Variants in TMEM178A observed in about 807,000 individuals in gnomAD.
The protein encoded by TMEM178A is transmembrane protein 178A, also known as transmembrane protein 178.
TMEM178A carries 12 observed loss-of-function variants against 29.1 expected under a neutral mutation model. The observed-to-expected ratio is 0.41, with a 90% CI of 0.26 to 0.67. TMEM178A has a LOEUF of 0.67. TMEM178A is among the 30% of genes least tolerant of loss of function. The pLI is 0.29. For missense variants in TMEM178A, 366 were observed against 419.1 expected (o/e 0.87, Z 1.11); for synonymous variants, 210 against 187.2 (o/e 1.12, Z -0.99).
chr2:39,665,989 G>A lies in TMEM178A; in HGVS notation c.15G>A (p.Ala5=). MEPR[A]LVTALSLGLS... ...GGCGGGAAGCCATGGAGCCGCGGGC[G>A]CTCGTCACGGCGCTCAGCCTCGGCC... The change falls in exon 1 of 4, where the codon GCG becomes GCA. Residue 5 remains alanine, a synonymous_variant. Coordinates refer to ENST00000281961, the MANE Select transcript of TMEM178A (RefSeq NM_152390.3). 1 of 1,408,844 alleles carries A rather than the reference G, an allele frequency of 7.1e-7. No individual in the cohort carries two copies. The highest frequency in any genetic ancestry group is 9.2e-7 in the Non-Finnish European group (1 of 1,083,214). The allele number at this position is 1,408,844 out of a possible 1,614,324, so 87.3% of individuals were successfully genotyped here.
chr2:39,692,450 A>G (rs1252097765), intron 1 of TMEM178A, among the ~76,000 whole-genome samples: 1 of 152,234 alleles, frequency 6.6e-6, no homozygotes, highest in Non-Finnish European at 1.5e-5. Context: ...AATATATACA[A>G]TAAAAATGGC....
intron 3 of TMEM178A, among the ~76,000 whole-genome samples, chr2:39,711,675 G>T (rs769031671): frequency 5.3e-4 from 81 of 152,096 alleles, no homozygotes; most frequent in Admixed American, 1.8e-3. Context: ...ACTCAACCAT[G>T]GTAGGTGTAT....
At chr2:39,727,624 C>A in the TMEM178A span, among the ~76,000 whole-genome samples, 1 of 152,026 alleles carries the variant, frequency 6.6e-6, no homozygotes, top group Non-Finnish European at 1.5e-5. Context: ...TGTGCAGGTT[C>A]GTTACGTAGG....
chr2:39,694,936 C>G (rs953430323), intron 1 of TMEM178A, among the ~76,000 whole-genome samples: 4 of 152,206 alleles, frequency 2.6e-5, no homozygotes, highest in Non-Finnish European at 4.4e-5. Flanking sequence ...GCCTTTGGGA[C>G]TGGTTTAGCC....
At position 39,666,020 on chromosome 2, in the gene TMEM178A, C is replaced by G; in HGVS notation, c.46C>G (p.Leu16Val). 1 of 1,539,554 alleles carries G rather than the reference C, an allele frequency of 6.5e-7. No individual in the cohort carries two copies. The highest frequency in any genetic ancestry group is 2.7e-5 in the East Asian group (1 of 37,058). ...LVTALSLGLS[L>V]CSLGLLVTAI... is the part of the protein sequence containing the mutation. ...CACGGCGCTCAGCCTCGGCCTCAGC[C>G]TGTGCTCCCTGGGGCTGCTCGTCAC... The change falls in exon 1 of 4, where the codon CTG becomes GTG. Residue 16 changes from leucine (L) to valine (V), a missense_variant. Around this residue, in one of 2 missense-constraint regions of TMEM178A, gnomAD observed 247 missense variants for 246.8 expected, o/e 1.00. Coordinates refer to ENST00000281961, the MANE Select transcript of TMEM178A (RefSeq NM_152390.3).
At chr2:39,713,185 C>T (rs554508926) in intron 3 of TMEM178A, among the ~76,000 whole-genome samples, 1 of 152,214 alleles carries the variant, frequency 6.6e-6, no homozygotes, top group African/African-American at 2.4e-5. Context: ...CCAATTGTGA[C>T]CAAGAAGAGC....
chr2:39,666,366 T>C lies in TMEM178A; in HGVS notation c.392T>C (p.Ile131Thr). Residue 131 changes from isoleucine to threonine, a missense_variant, in exon 1 of 4, where the codon ATC (isoleucine) becomes ACC (threonine). Ile to Thr is a moderately conservative substitution (Grantham distance 89). This residue lies in a region of TMEM178A where 247 missense variants were observed against 246.8 expected (regional missense o/e 1.00). Transcript: ENST00000281961. ...ATCGACCGGGACATCGACACCCTCA[T>C]CCTGAAAGGTGAGCGGCGGGCGCAC... The part of the protein sequence containing the change: ...LGIDRDIDTL[I>T]LKGIAQRCTA... 5 of 1,398,924 alleles carry C rather than the reference T, an allele frequency of 3.6e-6. No homozygotes were observed. The highest frequency in any genetic ancestry group is 4.7e-6 in the Non-Finnish European group (5 of 1,071,728). 86.7% of individuals were successfully genotyped at this position (1,398,924 alleles called of 1,614,324 possible). A position where few individuals can be genotyped will look rare whatever the true frequency, so the allele number is the denominator to read the frequency against.
At chr2:39,704,596 C>A (rs1381244355) in intron 2 of TMEM178A, among the ~76,000 whole-genome samples, 2 of 152,082 alleles carry the variant, frequency 1.3e-5, no homozygotes, top group Non-Finnish European at 2.9e-5. Context: ...CATCTCCGAC[C>A]TTTGTATTTC....
downstream of TMEM178A, among the ~76,000 whole-genome samples, chr2:39,722,915 A>G (rs183018907): frequency 7.2e-5 from 11 of 152,180 alleles, no homozygotes; most frequent in Admixed American, 4.6e-4. Flanking sequence ...CTAAATCAGG[A>G]CCTTAGAGGT....
At chr2:39,702,043 A>G (rs1188086039) in intron 1 of TMEM178A, among the ~76,000 whole-genome samples, 1 of 151,226 alleles carries the variant, frequency 6.6e-6, no homozygotes, top group Non-Finnish European at 1.5e-5. Flanking sequence ...AATATTTGGG[A>G]TCCCTCAGTG....
Position 39,717,776 on chromosome 2 carries a change from T to G in TMEM178A, c.*525T>G, listed in dbSNP as rs1461958623. ...ACAGGAAGATTCTTCTTCTGTTGCC[T>G]TATTGTTTTTTTTTTTTTAAGTCTC... On this transcript the variant is annotated 3_prime_UTR_variant, in exon 4 of 4. Transcript: ENST00000281961. 6.5e-6 allele frequency: 1 copy of G among 153,116 alleles called. No individual in the cohort carries two copies. Among genetic ancestry groups the G allele is most frequent in the African/African-American group, 2.4e-5 (1 of 40,984 alleles). 9.5% of individuals were successfully genotyped at this position (153,116 alleles called of 1,614,324 possible). A position where few individuals can be genotyped will look rare whatever the true frequency, so the allele number is the denominator to read the frequency against.
At chr2:39,667,699 A>G (rs577389968) in intron 1 of TMEM178A, among the ~76,000 whole-genome samples, 1 of 152,326 alleles carries the variant, frequency 6.6e-6, no homozygotes, top group Non-Finnish European at 1.5e-5. Context: ...TGGCTAACTC[A>G]GCTGGGGACT....
downstream of TMEM178A, among the ~76,000 whole-genome samples, chr2:39,719,898 A>G (rs940594979): frequency 1.3e-5 from 2 of 152,170 alleles, no homozygotes; most frequent in Admixed American, 1.3e-4. Context: ...CATTTCTTAT[A>G]TAGTCAACAA....
intron 3 of TMEM178A, among the ~76,000 whole-genome samples, chr2:39,708,398 G>T (rs945629428): frequency 6.7e-6 from 1 of 149,608 alleles, no homozygotes; most frequent in Admixed American, 6.7e-5. Flanking sequence ...TTGAAGCAAA[G>T]GAGTGACTTG....
intron 1 of TMEM178A, among the ~76,000 whole-genome samples, chr2:39,702,541 A>C (rs988034879): frequency 6.6e-6 from 1 of 152,146 alleles, no homozygotes; most frequent in Non-Finnish European, 1.5e-5. Context: ...CATTGTTCTC[A>C]TACTATATTG....
intron 1 of TMEM178A, among the ~76,000 whole-genome samples, chr2:39,703,664 T>G (rs1486916979): frequency 6.6e-6 from 1 of 152,220 alleles, no homozygotes; most frequent in East Asian, 1.9e-4. Context: ...AAATGTCTTC[T>G]GGTTTCCAAA....
At chr2:39,729,309 C>G in the TMEM178A span, among the ~76,000 whole-genome samples, 1 of 152,302 alleles carries the variant, frequency 6.6e-6, no homozygotes, top group East Asian at 1.9e-4. Flanking sequence ...CTGCCTCTCC[C>G]CCAGAAAGTG....
chr2:39,674,945 A>G (rs1163759012), intron 1 of TMEM178A, among the ~76,000 whole-genome samples: 2 of 152,178 alleles, frequency 1.3e-5, no homozygotes, highest in Non-Finnish European at 2.9e-5. Flanking sequence ...AGTGATTCTT[A>G]CCTGATTTTT....
chr2:39,675,003 C>T (rs1306846792), intron 1 of TMEM178A, among the ~76,000 whole-genome samples: 2 of 152,176 alleles, frequency 1.3e-5, no homozygotes, highest in Non-Finnish European at 2.9e-5. Context: ...CTACAGACTC[C>T]TGTCAATTAT....
Sources: allele counts gnomAD v4.1 joint callset (sites outside exome capture counted in the v4.1 genomes callset), GRCh38; gene constraint gnomAD v4.1.1; regional missense constraint gnomAD v4.1.1; transcripts MANE v1.5; gene names NCBI Gene and HGNC (gene_info 2026-07-23, HGNC 2026-07-21).